UNC79: variants seen among roughly 807,000 people sequenced by gnomAD.
UNC79 encodes unc-79 subunit of NALCN channel complex, also known as protein unc-79 homolog.
Under a neutral mutation model 283.1 loss-of-function variants are expected in UNC79, and 37 were observed. The observed-to-expected ratio is 0.13, with a 90% CI of 0.10 to 0.17. The LOEUF (loss-of-function observed/expected upper bound fraction) is 0.17, where lower values mean the gene tolerates loss of function less well. Among genes scored for constraint, UNC79 ranks in the 10% least tolerant of loss-of-function variants. The probability of loss-of-function intolerance (pLI) is 1.00; values close to 1 mark genes in which losing one functional copy is unlikely to be tolerated. For missense variants in UNC79, 2,272 were observed against 3,211.1 expected (o/e 0.71, Z 7.07); for synonymous variants, 1,107 against 1,200.2 (o/e 0.92, Z 1.61).
Position 93,420,882 on chromosome 14 carries a change from GA to G in UNC79, c.-350-46786del, listed in dbSNP as rs1179146661. Among the ~76,000 whole-genome samples the G allele has an allele frequency of 1.3e-5, 2 of 151,736 alleles. 1 individual carries two copies. Among genetic ancestry groups the G allele is most frequent in the East Asian group, 3.9e-4 (2 of 5,146 alleles). On this transcript the variant is annotated intron_variant, in intron 1 of 49. Coordinates refer to the UNC79 transcript ENST00000256339. ...GTGAGTCAATAAAGATGTTAAGAAG[GA>G]AATGGAAAATTTTCTTGAAACAAAT...
chr14:93,598,992 G>A (rs993260652), intron 24 of UNC79, among the ~76,000 whole-genome samples: 3 of 152,186 alleles, frequency 2.0e-5, no homozygotes, highest in African/African-American at 7.2e-5. Flanking sequence ...GTCTCAGAGA[G>A]ATAATGTGAC....
At chr14:93,367,469 G>GA (rs1056423438) in intron 1 of UNC79, among the ~76,000 whole-genome samples, 3 of 150,326 alleles carry the variant, frequency 2.0e-5, no homozygotes, top group East Asian at 1.9e-4. Context: ...TGTGAGAAAA[G>GA]AAAAAAAAGG....
chr14:93,430,285 C>G (rs1183506003), upstream of UNC79: 2 of 152,830 alleles, frequency 1.3e-5, no homozygotes, highest in African/African-American at 2.4e-5. This position sits in a 1 kb window ranked among gnomAD's most constrained non-coding sequence, Gnocchi z 4.6. Context: ...GTGGGACCTC[C>G]CATCCCCAAT....
chr14:93,625,179 A>G (rs910263701), intron 30 of UNC79, among the ~76,000 whole-genome samples: 2 of 152,008 alleles, frequency 1.3e-5, no homozygotes, highest in Non-Finnish European at 1.5e-5. Flanking sequence ...CTCCCTGAGG[A>G]CATTGCTTTC....
chr14:93,444,755 C>G (rs1467555198), intron 1 of UNC79, among the ~76,000 whole-genome samples: 1 of 152,106 alleles, frequency 6.6e-6, no homozygotes, highest in Non-Finnish European at 1.5e-5. Context: ...GTTTCTTCAT[C>G]TATTCTTATG....
At chr14:93,563,758 A>G (rs762419483) in intron 14 of UNC79, among the ~76,000 whole-genome samples, 8 of 152,180 alleles carry the variant, frequency 5.3e-5, no homozygotes, top group Admixed American at 1.3e-4. Context: ...AGATATAGTC[A>G]TGGGGGTCAG....
chr14:93,588,324 A>G (rs1487427511), intron 22 of UNC79, among the ~76,000 whole-genome samples: 1 of 152,244 alleles, frequency 6.6e-6, no homozygotes, highest in Non-Finnish European at 1.5e-5. Flanking sequence ...AGCACATTAC[A>G]AAGCTTACTG....
intron 1 of UNC79, among the ~76,000 whole-genome samples, chr14:93,406,500 A>T (rs1377900834): frequency 6.6e-6 from 1 of 152,166 alleles, no homozygotes; most frequent in Non-Finnish European, 1.5e-5. Flanking sequence ...AGGTGCGAGG[A>T]TCACTTGAGC....
chr14:93,451,292 G>A (rs376458043), intron 1 of UNC79, among the ~76,000 whole-genome samples: 2 of 152,074 alleles, frequency 1.3e-5, no homozygotes, highest in Admixed American at 6.5e-5. Context: ...AGGTTAGAGG[G>A]CCATTTACTG....
At chr14:93,517,783 T>C (rs1399044702) in intron 7 of UNC79, among the ~76,000 whole-genome samples, 1 of 152,054 alleles carries the variant, frequency 6.6e-6, no homozygotes, top group African/African-American at 2.4e-5. Flanking sequence ...TTAATTTTGG[T>C]TATTATATAT....
chr14:93,606,557 A>G lies in UNC79; in HGVS notation c.3754+3139A>G, dbSNP rs76964216. On this transcript the variant is annotated intron_variant, in intron 26 of 48. Transcript: ENST00000555664. Reference sequence around the variant, plus strand: ...ACAGTAATTAAATGGAAACTGAAGAACTTGCTACTTAACGAACATACTTTT... The same window carrying G: ...ACAGTAATTAAATGGAAACTGAAGAGCTTGCTACTTAACGAACATACTTTT... Among the ~76,000 whole-genome samples the G allele has an allele frequency of 9.5e-3, 1,449 of 152,342 alleles. 24 individuals are homozygous for G. The highest frequency in any genetic ancestry group is 0.033 in the African/African-American group (1,364 of 41,570).
chr14:93,608,438 G>A (rs1473363663), intron 26 of UNC79, among the ~76,000 whole-genome samples: 1 of 152,310 alleles, frequency 6.6e-6, no homozygotes. Context: ...ATAAACACAT[G>A]ATAATAGGAT....
rs74914191 is a variant in UNC79 at position 93,411,969 on chromosome 14, G to A, written c.-350-55702G>A. Among the ~76,000 whole-genome samples the A allele has an allele frequency of 3.0e-3, 450 of 152,358 alleles. 1 individual carries two copies. Among genetic ancestry groups the A allele is most frequent in the African/African-American group, 0.01 (432 of 41,584 alleles). ...TAAGGCACCAGGGACCAGTCCTGGAGAAGCAAAGATATGTTGCCTTTCAGA... is the reference window on the plus strand; with the variant it reads ...TAAGGCACCAGGGACCAGTCCTGGAAAAGCAAAGATATGTTGCCTTTCAGA... On this transcript the variant is annotated intron_variant, in intron 1 of 49. Transcript: ENST00000256339.
rs912202902 is a variant in UNC79, at chr14:93,417,754, C to T, written c.-350-49917C>T. On this transcript the variant is annotated intron_variant, in intron 1 of 49. Transcript: ENST00000256339. The stretch of plus-strand genomic sequence containing the variant: ...TCTTTTTTCTCTAAACTTCCCTTCT[C>T]GCTTCATTTCATTCATTTCATCTTC... Among the ~76,000 whole-genome samples, 453 of 152,132 alleles carry T rather than the reference C, an allele frequency of 3.0e-3. 1 individual carries two copies. Among genetic ancestry groups the T allele is most frequent in the African/African-American group, 9.4e-3 (390 of 41,532 alleles).
At position 93,603,346 on chromosome 14, in the gene UNC79, A is replaced by T; in HGVS notation, c.3682A>T (p.Arg1228Trp). 1.2e-6 allele frequency: 2 copies of T among 1,614,200 alleles called. No homozygotes were observed. The highest frequency in any genetic ancestry group is 1.7e-6 in the Non-Finnish European group (2 of 1,180,028). ...CCGCCAGAAGAGTGTACGTTCCCTG[A>T]GGGACAGCGTGAAAGGGCCTGTGGA... The change falls in exon 26 of 49, where the codon AGG (arginine) becomes TGG (tryptophan). Residue 1228 changes from arginine to tryptophan, a missense_variant. Arg to Trp is a moderately radical substitution (Grantham distance 101, BLOSUM62 -3). Around this residue, in one of 11 missense-constraint regions of UNC79, gnomAD observed 237 missense variants for 378.9 expected, o/e 0.63. Transcript: ENST00000555664.
exon 47 of UNC79, chr14:93,694,371 A>C: frequency 6.2e-7 from 1 of 1,611,846 alleles, no homozygotes. Flanking sequence ...GATTAGTTTA[A>C]TGGAGGCATT....
intron 12 of UNC79, among the ~76,000 whole-genome samples, chr14:93,540,181 A>G (rs2061308207): frequency 6.6e-6 from 1 of 152,244 alleles, no homozygotes; most frequent in Non-Finnish European, 1.5e-5. Context: ...GAACTTGTTT[A>G]GCAAACGGAA....
At chr14:93,585,885 T>C (rs1232851402) in intron 20 of UNC79, among the ~76,000 whole-genome samples, 14 of 141,234 alleles carry the variant, frequency 9.9e-5, no homozygotes, top group East Asian at 3.9e-4. Flanking sequence ...CTCTCTCTCT[T>C]TTTTTTTTTT....
chr14:93,571,538 T>C (rs1174575586), intron 14 of UNC79, among the ~76,000 whole-genome samples: 1 of 152,234 alleles, frequency 6.6e-6, no homozygotes, highest in African/African-American at 2.4e-5. Flanking sequence ...CATGTTGTAA[T>C]GGATTTATCA....
Sources: gnomAD v4.1 joint callset for allele counts (sites outside exome capture counted in the v4.1 genomes callset) on GRCh38, gnomAD v4.1.1 for gene constraint, gnomAD v4.1.1 regional missense constraint, Gnocchi (gnomAD v3.1) non-coding constraint, MANE v1.5 for transcripts, NCBI Gene and HGNC (gene_info 2026-07-23, HGNC 2026-07-21) for gene names.